The following THSD4 variants were observed in gnomAD, a reference collection of about 807,000 sequenced individuals.
The protein encoded by THSD4 is thrombospondin type 1 domain containing 4, also known as thrombospondin type-1 domain-containing protein 4.
In THSD4, 69 loss-of-function variants were observed where a neutral mutation model predicts 119.0. That is an observed-to-expected ratio of 0.58 (90% CI 0.48 to 0.71). The LOEUF is 0.71. THSD4 is among the 30% of genes least tolerant of loss of function. The pLI is 0.00. For missense variants in THSD4, 1,393 were observed against 1,391.1 expected, an observed-to-expected ratio of 1.00 and a Z score of -0.02; for synonymous variants, 524 against 540.4, an observed-to-expected ratio of 0.97 and a Z score of 0.42.
intron 7 of THSD4, among the ~76,000 whole-genome samples, chr15:71,578,995 TATCACACCCGGCTA>T (rs916743919): frequency 6.6e-6 from 1 of 151,740 alleles, no homozygotes; most frequent in Admixed American, 6.6e-5. Flanking sequence ...AGGCACCAGC[TATCACACCCGGCTA>T]ATTTTTTGTA....
intron 5 of THSD4, among the ~76,000 whole-genome samples, chr15:71,244,309 G>A (rs2140276177): frequency 6.6e-6 from 1 of 152,228 alleles, no homozygotes; most frequent in East Asian, 1.9e-4. Flanking sequence ...ATGAGAGGAT[G>A]TTAAGAGGTT....
At chr15:71,198,700 C>T (rs2043741499) in intron 3 of THSD4, among the ~76,000 whole-genome samples, 1 of 152,196 alleles carries the variant, frequency 6.6e-6, no homozygotes, top group Non-Finnish European at 1.5e-5. Context: ...CCAGGTATCC[C>T]TGGCATTCAG....
intron 6 of THSD4, among the ~76,000 whole-genome samples, chr15:71,373,214 A>T (rs1415644117): frequency 6.6e-6 from 1 of 152,252 alleles, no homozygotes; most frequent in Non-Finnish European, 1.5e-5. Flanking sequence ...TGGATGGATT[A>T]AAAATAATTC....
At chr15:71,155,052 C>T in intron 3 of THSD4, 120 bp downstream of exon 3, 2 of 907,246 alleles carry the variant, frequency 2.2e-6, no homozygotes, top group South Asian at 2.7e-5. Flanking sequence ...AAGGAAGCAC[C>T]ATTTACAGAA....
intron 8 of THSD4, among the ~76,000 whole-genome samples, chr15:71,687,755 C>CAAA (rs371746249): frequency 1.8e-4 from 10 of 55,060 alleles, no homozygotes; most frequent in East Asian, 3.2e-4. Context: ...AACTCTGTCT[C>CAAA]AAAAAAAAAA....
intron 8 of THSD4, among the ~76,000 whole-genome samples, chr15:71,698,977 A>AC (rs2052226966): frequency 6.6e-6 from 1 of 152,130 alleles, no homozygotes; most frequent in African/African-American, 2.4e-5. Context: ...AAAGATTAAT[A>AC]AGTCCTAGAG....
At chr15:71,548,667 G>A in intron 7 of THSD4, among the ~76,000 whole-genome samples, 1 of 152,214 alleles carries the variant, frequency 6.6e-6, no homozygotes, top group Non-Finnish European at 1.5e-5. Flanking sequence ...AATGGGAGCA[G>A]GAGGAACTGA....
intron 7 of THSD4, among the ~76,000 whole-genome samples, chr15:71,480,400 A>G (rs548714359): frequency 9.2e-5 from 14 of 152,336 alleles, no homozygotes; most frequent in South Asian, 2.1e-4. Context: ...ATTGTCATTA[A>G]TAATAATGAC....
intron 8 of THSD4, among the ~76,000 whole-genome samples, chr15:71,663,647 A>G (rs1446759760): frequency 6.6e-6 from 1 of 152,208 alleles, no homozygotes; most frequent in Non-Finnish European, 1.5e-5. Context: ...TTTTAAAAGT[A>G]AATATACATG....
At chr15:71,488,034 G>A (rs1327817499) in intron 7 of THSD4, among the ~76,000 whole-genome samples, 2 of 152,034 alleles carry the variant, frequency 1.3e-5, no homozygotes, top group Non-Finnish European at 2.9e-5. Flanking sequence ...GTAGGCTGCT[G>A]CTTCTAGCAC....
chr15:71,582,221 A>C (rs1439403026), intron 7 of THSD4, among the ~76,000 whole-genome samples: 2 of 151,944 alleles, frequency 1.3e-5, no homozygotes, highest in African/African-American at 4.8e-5. Flanking sequence ...TCCTTAGTTA[A>C]GTTTATTCCT....
intron 7 of THSD4, among the ~76,000 whole-genome samples, chr15:71,441,851 G>C (rs192397509): frequency 1.0e-3 from 154 of 152,284 alleles, no homozygotes; most frequent in Non-Finnish European, 1.9e-3. Flanking sequence ...CCGCAGGTTT[G>C]TGAGGATTCA....
chr15:71,171,925 C>T (rs369308080), intron 3 of THSD4, among the ~76,000 whole-genome samples: 8 of 152,042 alleles, frequency 5.3e-5, no homozygotes, highest in African/African-American at 1.4e-4. Context: ...AATGGTATCA[C>T]GTTACTTGAA....
chr15:71,452,366 T>G (rs4502171), intron 7 of THSD4, among the ~76,000 whole-genome samples: 146,648 of 151,886 alleles, frequency 0.97, 70,994 homozygotes, highest in East Asian at 1. Context: ...CCCCCAGGTG[T>G]TTCTACCCTG....
chr15:71,200,653 T>G (rs1222351499), intron 3 of THSD4, among the ~76,000 whole-genome samples: 2 of 152,192 alleles, frequency 1.3e-5, no homozygotes, highest in African/African-American at 4.8e-5. Flanking sequence ...AGTAACCAAA[T>G]AGTTTTTTTC....
At chr15:71,111,378 C>T, upstream of THSD4, 1 of 1,613,190 alleles carries the variant, frequency 6.2e-7, no homozygotes, top group South Asian at 1.1e-5. Flanking sequence ...AGAGTCAGCC[C>T]CAGGCAAGGG....
chr15:71,471,609 G>A (rs181892813), intron 7 of THSD4, among the ~76,000 whole-genome samples: 43 of 151,708 alleles, frequency 2.8e-4, no homozygotes, highest in Admixed American at 2.6e-3. Context: ...CAAGTGATCA[G>A]GAGCAAGGAT....
chr15:71,374,449 A>G (rs185266615), intron 6 of THSD4, among the ~76,000 whole-genome samples: 145 of 152,330 alleles, frequency 9.5e-4, no homozygotes, highest in Non-Finnish European at 1.9e-3. Context: ...CACATGCTAT[A>G]TATGAATAAT....
intron 6 of THSD4, among the ~76,000 whole-genome samples, chr15:71,262,651 G>GAA (rs1402725140): frequency 6.6e-6 from 1 of 151,598 alleles, no homozygotes; most frequent in African/African-American, 2.4e-5. Context: ...CTGAACTAAA[G>GAA]AGTGGCAACT....
Sources: gnomAD v4.1 joint callset for allele counts (sites outside exome capture counted in the v4.1 genomes callset) on GRCh38, gnomAD v4.1.1 for gene constraint, MANE v1.5 for transcripts, NCBI Gene and HGNC (gene_info 2026-07-23, HGNC 2026-07-21) for gene names.